Variants in ARHGAP26 observed in about 807,000 individuals in gnomAD.
ARHGAP26 encodes Rho GTPase activating protein 26.
Under a neutral mutation model 104.8 loss-of-function variants are expected in ARHGAP26, and 38 were observed. The observed-to-expected ratio is 0.36, with a 90% CI of 0.28 to 0.48. The LOEUF is 0.48. Ranked by LOEUF, ARHGAP26 falls within the 20% of genes least tolerant of loss-of-function variation. The pLI, the probability that ARHGAP26 is intolerant of heterozygous loss-of-function variation, is 0.99. For synonymous variants in ARHGAP26, 341 were observed against 340.0 expected, an observed-to-expected ratio of 1.00 and a Z score of -0.03; for missense variants, 704 against 947.9, an observed-to-expected ratio of 0.74 and a Z score of 3.38.
chr5:142,986,656 T>C (rs1774782082), intron 11 of ARHGAP26, among the ~76,000 whole-genome samples: 1 of 152,228 alleles, frequency 6.6e-6, no homozygotes, highest in Admixed American at 6.5e-5. Context: ...TTTAAGTCTT[T>C]AATCCATCTT....
intron 1 of ARHGAP26, among the ~76,000 whole-genome samples, chr5:142,865,930 A>G (rs889871135): frequency 6.6e-6 from 1 of 152,026 alleles, no homozygotes; most frequent in Non-Finnish European, 1.5e-5. Flanking sequence ...TTCCACTTCT[A>G]TAGCATCTTC....
intron 22 of ARHGAP26, among the ~76,000 whole-genome samples, chr5:143,217,323 TGTGCAATAC>T (rs1227924287): frequency 1.3e-5 from 2 of 152,126 alleles, no homozygotes; most frequent in Non-Finnish European, 2.9e-5. Flanking sequence ...GGGAAATGGA[TGTGCAATAC>T]GTGCAATACC....
intron 20 of ARHGAP26, among the ~76,000 whole-genome samples, chr5:143,156,231 A>G (rs1800446346): frequency 6.6e-6 from 1 of 152,212 alleles, no homozygotes; most frequent in Non-Finnish European, 1.5e-5. Flanking sequence ...ACTGCTTTTG[A>G]AACCTTTTTT....
intron 1 of ARHGAP26, chr5:142,868,116 G>A (rs914941054): frequency 1.3e-5 from 2 of 152,264 alleles, no homozygotes; most frequent in African/African-American, 4.8e-5. Context: ...TTGCTCTGAA[G>A]AAAAGATCTA....
rs1599593556 is a variant in ARHGAP26 at position 143,224,666 on chromosome 5, G to A, written c.*2220G>A. 4.3e-6 allele frequency: 1 copy of A among 230,078 alleles called. No homozygotes were observed. The highest frequency in any genetic ancestry group is 6.2e-5 in the East Asian group (1 of 16,184). 14.3% of individuals were successfully genotyped at this position (230,078 alleles called of 1,614,324 possible). On this transcript the variant is annotated 3_prime_UTR_variant, in exon 23 of 23. Transcript: ENST00000645722. ...ACAAGCTAGTTTTCAAATTTTGTGT[G>A]CGTCTGTAAGTTCTTAAAGAACCAG...
intron 17 of ARHGAP26, among the ~76,000 whole-genome samples, chr5:143,084,644 G>A (rs772624798): frequency 2.6e-5 from 4 of 152,094 alleles, no homozygotes; most frequent in Admixed American, 1.3e-4. Context: ...CTCCAGCCTC[G>A]CCTGTCTCCA....
At chr5:143,142,264 G>A (rs1365737686) in intron 19 of ARHGAP26, among the ~76,000 whole-genome samples, 1 of 148,736 alleles carries the variant, frequency 6.7e-6, no homozygotes, top group Non-Finnish European at 1.5e-5. Context: ...TTAGCCTCCT[G>A]AGTAGCTGGG....
At chr5:142,964,840 G>C (rs756581757) in intron 11 of ARHGAP26, among the ~76,000 whole-genome samples, 2 of 152,166 alleles carry the variant, frequency 1.3e-5, no homozygotes, top group African/African-American at 2.4e-5. Flanking sequence ...TAGAAATAAA[G>C]ACACAAGACT....
intron 6 of ARHGAP26, among the ~76,000 whole-genome samples, chr5:142,897,762 A>G (rs553709063): frequency 1.3e-5 from 2 of 152,370 alleles, no homozygotes; most frequent in Non-Finnish European, 2.9e-5. Context: ...TACTGTTTTT[A>G]TCCCAATTTT....
intron 17 of ARHGAP26, among the ~76,000 whole-genome samples, chr5:143,089,394 C>T (rs1791075796): frequency 2.0e-5 from 3 of 152,190 alleles, no homozygotes; most frequent in Admixed American, 2.0e-4. Flanking sequence ...TACCGAACTA[C>T]TTTCTATTCA....
In ARHGAP26 at chr5:142,985,776, G is replaced by A. The variant is rs546522751; in HGVS notation, c.1108-28304G>A. Among the ~76,000 whole-genome samples the A allele has an allele frequency of 3.8e-4, 58 of 151,368 alleles. 1 individual carries two copies. In the South Asian group the frequency reaches 0.011, roughly 30 times the overall value. On this transcript the variant is annotated intron_variant, in intron 11 of 22. Transcript: ENST00000645722. ...GCAGTGTTTGGTTTTCTGTCCTTGC[G>A]ATAGTTTGCTGAGAATGATTGTTTC...
chr5:143,112,960 T>C (rs1000123396), intron 17 of ARHGAP26, among the ~76,000 whole-genome samples: 2 of 152,230 alleles, frequency 1.3e-5, no homozygotes, highest in African/African-American at 4.8e-5. Context: ...TTTTCAATTA[T>C]TTTACACATA....
intron 11 of ARHGAP26, among the ~76,000 whole-genome samples, chr5:142,949,192 AGAGAGAGAGAGAGAGAGAGAGAGAGAGAG>A (rs1562135924): frequency 4.1e-4 from 14 of 34,106 alleles, no homozygotes; most frequent in African/African-American, 3.3e-3. Context: ...AGAGAGAGAG[AGAGAGAGAGAGAGAGAGAGAGAGAGAGAG>A]GAGAGAGAGA....
intron 11 of ARHGAP26, among the ~76,000 whole-genome samples, chr5:143,004,100 G>T (rs1315158472): frequency 1.3e-5 from 2 of 151,906 alleles, no homozygotes; most frequent in African/African-American, 4.8e-5. Context: ...TTACAGCTTG[G>T]TGTTTGCCTT....
rs1226243609 is a variant in ARHGAP26 at position 143,227,385 on chromosome 5, TTA to T, written c.*4942_*4943del. The T allele has an allele frequency of 4.3e-6, 1 of 231,118 alleles. No individual in the cohort carries two copies. Among genetic ancestry groups the T allele is most frequent in the Admixed American group, 5.7e-5 (1 of 17,698 alleles). 14.3% of individuals were successfully genotyped at this position (231,118 alleles called of 1,614,324 possible). A position where few individuals can be genotyped will look rare whatever the true frequency, so the allele number is the denominator to read the frequency against. ...CTCGACAACCCTGCCCCACATCACTTTATAAAGTCAGCAGGATGTCTTCTCAC... is the reference window on the plus strand; with the variant it reads ...CTCGACAACCCTGCCCCACATCACTTTAAAGTCAGCAGGATGTCTTCTCAC... On this transcript the variant is annotated 3_prime_UTR_variant, in exon 23 of 23. Coordinates refer to ENST00000645722, the MANE Select transcript of ARHGAP26 (RefSeq NM_001135608.3).
chr5:143,081,505 A>G (rs1021832568), intron 17 of ARHGAP26, among the ~76,000 whole-genome samples: 2 of 152,200 alleles, frequency 1.3e-5, no homozygotes, highest in African/African-American at 4.8e-5. Flanking sequence ...GAAGTCCTGG[A>G]GTCAAACAGA....
At chr5:143,154,072 T>C (rs1800168505) in intron 20 of ARHGAP26, among the ~76,000 whole-genome samples, 1 of 151,820 alleles carries the variant, frequency 6.6e-6, no homozygotes, top group Non-Finnish European at 1.5e-5. Flanking sequence ...CTTTAGTTGG[T>C]CAACATTCAT....
At chr5:143,039,428 A>G (rs903910769) in intron 13 of ARHGAP26, among the ~76,000 whole-genome samples, 2 of 151,398 alleles carry the variant, frequency 1.3e-5, no homozygotes, top group African/African-American at 4.9e-5. Flanking sequence ...CTGGTCTTCA[A>G]CTCCTGACCT....
intron 17 of ARHGAP26, among the ~76,000 whole-genome samples, chr5:143,060,754 G>A (rs1046055956): frequency 3.3e-5 from 5 of 151,944 alleles, no homozygotes; most frequent in African/African-American, 9.7e-5. Flanking sequence ...AGTCAGGCTC[G>A]CTGCCTGGGA....
Sources: allele counts gnomAD v4.1 joint callset (sites outside exome capture counted in the v4.1 genomes callset), GRCh38; gene constraint gnomAD v4.1.1; transcripts MANE v1.5; gene names NCBI Gene and HGNC (gene_info 2026-07-23, HGNC 2026-07-21).